Variants in SCAPER observed in about 807,000 individuals in gnomAD.
The protein encoded by SCAPER is S phase cyclin A-associated protein in the endoplasmic reticulum.
SCAPER carries 98 observed loss-of-function variants against 182.2 expected under a neutral mutation model. That is an observed-to-expected ratio of 0.54 (90% CI 0.46 to 0.64). The LOEUF (loss-of-function observed/expected upper bound fraction) is 0.64. Ranked by LOEUF, SCAPER falls within the 30% of genes least tolerant of loss-of-function variation. The pLI, the probability that SCAPER is intolerant of heterozygous loss-of-function variation, is 0.00. For synonymous variants in SCAPER, 605 were observed against 564.6 expected, an observed-to-expected ratio of 1.07 and a Z score of -1.01; for missense variants, 1,432 against 1,690.0, an observed-to-expected ratio of 0.85 and a Z score of 2.68.
At chr15:76,757,812 G>A (rs964406079) in intron 14 of SCAPER, among the ~76,000 whole-genome samples, 1 of 152,100 alleles carries the variant, frequency 6.6e-6, no homozygotes, top group Non-Finnish European at 1.5e-5. Flanking sequence ...CAAGTGTCAG[G>A]TGATATTTCA....
Position 76,654,074 on chromosome 15 carries a change from A to G in SCAPER, c.2645+11579T>C, listed in dbSNP as rs536397529. Among the ~76,000 whole-genome samples the G allele has an allele frequency of 2.6e-5, 4 of 152,334 alleles. No homozygotes were observed. In the East Asian group the frequency reaches 5.8e-4, roughly 22 times the overall value. On this transcript the variant is annotated intron_variant, in intron 21 of 31. Transcript: ENST00000563290. ...ACAGACACTTCTCAAAAGAAGATAT[A>G]TAAGTGGCCAAGAAACATGAAAAAA... is the stretch of plus-strand genomic sequence containing the variant.
intron 22 of SCAPER, among the ~76,000 whole-genome samples, chr15:76,621,346 G>A (rs943847469): frequency 1.3e-5 from 2 of 152,126 alleles, no homozygotes; most frequent in Middle Eastern, 3.4e-3. Flanking sequence ...TTCTCTTTAC[G>A]GACTGGCCCG....
At chr15:76,414,325 T>C (rs1010683515) in intron 26 of SCAPER, among the ~76,000 whole-genome samples, 13 of 152,024 alleles carry the variant, frequency 8.6e-5, no homozygotes, top group African/African-American at 2.9e-4. Context: ...GATTTCTGTT[T>C]TGGTGGAATA....
At chr15:76,566,906 TAATTTG>T (rs1332189046) in intron 23 of SCAPER, among the ~76,000 whole-genome samples, 5 of 152,082 alleles carry the variant, frequency 3.3e-5, no homozygotes, top group Admixed American at 6.6e-5. Context: ...ATAATAATTT[TAATTTG>T]AACACTGTGT....
At chr15:76,772,230 A>G (rs1483279336) in intron 9 of SCAPER, among the ~76,000 whole-genome samples, 1 of 152,052 alleles carries the variant, frequency 6.6e-6, no homozygotes, top group African/African-American at 2.4e-5. Context: ...TTCTTGTAGT[A>G]GGCCAATTTG....
intron 27 of SCAPER, among the ~76,000 whole-genome samples, chr15:76,392,894 C>G (rs141596117): frequency 7.4e-4 from 112 of 152,288 alleles, no homozygotes; most frequent in African/African-American, 2.5e-3. Context: ...CATTCTGCTC[C>G]TCTAAACCCT....
At chr15:76,881,868 T>C (rs1161487531) in intron 2 of SCAPER, among the ~76,000 whole-genome samples, 1 of 152,208 alleles carries the variant, frequency 6.6e-6, no homozygotes, top group Non-Finnish European at 1.5e-5. Flanking sequence ...GTTCAGATGG[T>C]AAATGTCATG....
intron 23 of SCAPER, among the ~76,000 whole-genome samples, chr15:76,512,540 C>T (rs568669475): frequency 1.3e-5 from 2 of 152,056 alleles, no homozygotes; most frequent in Non-Finnish European, 2.9e-5. Flanking sequence ...AGCAGCACCA[C>T]TGCTATTCCT....
rs184535051 is a variant in SCAPER at position 76,648,355 on chromosome 15, A to G, written c.2645+17298T>C. Among the ~76,000 whole-genome samples, 12 of 152,264 alleles carry G rather than the reference A, an allele frequency of 7.9e-5. No homozygotes were observed. The East Asian group carries it at 2.3e-3, about 29-fold the overall frequency. ...GATCACATAGGACACAGAACTATCTAAACTAGAGAGAAAAAAGACTGACCT... is the reference window on the plus strand; with the variant it reads ...GATCACATAGGACACAGAACTATCTGAACTAGAGAGAAAAAAGACTGACCT... On this transcript the variant is annotated intron_variant, in intron 21 of 31. Coordinates refer to ENST00000563290, the MANE Select transcript of SCAPER (RefSeq NM_020843.4).
intron 23 of SCAPER, among the ~76,000 whole-genome samples, chr15:76,535,820 G>C (rs1271608516): frequency 6.6e-6 from 1 of 152,110 alleles, no homozygotes; most frequent in Non-Finnish European, 1.5e-5. Flanking sequence ...AATCATCTCA[G>C]AAATACAGGT....
chr15:76,708,018 C>T (rs1204968142), intron 17 of SCAPER, among the ~76,000 whole-genome samples: 1 of 152,020 alleles, frequency 6.6e-6, no homozygotes. Context: ...AGAACTATTA[C>T]AAAATATAGT....
At chr15:76,698,440 C>T (rs2058764716) in intron 20 of SCAPER, among the ~76,000 whole-genome samples, 1 of 152,034 alleles carries the variant, frequency 6.6e-6, no homozygotes, top group African/African-American at 2.4e-5. Flanking sequence ...TAATCTAATG[C>T]CAAAAGTTGT....
At chr15:76,652,273 A>ATATATATAT (rs1555519291) in intron 21 of SCAPER, among the ~76,000 whole-genome samples, 3 of 12,862 alleles carry the variant, frequency 2.3e-4, no homozygotes, top group Non-Finnish European at 4.0e-4. Context: ...AAAAAAAAAA[A>ATATATATAT]ATATATATAT....
chr15:76,716,898 G>C (rs1354129550), intron 17 of SCAPER, among the ~76,000 whole-genome samples: 3 of 151,454 alleles, frequency 2.0e-5, no homozygotes, highest in African/African-American at 4.9e-5. Context: ...GACTTAGGAA[G>C]AGAGAGAGAT....
chr15:76,533,738 A>T (rs1463871503), intron 23 of SCAPER, among the ~76,000 whole-genome samples: 1 of 146,948 alleles, frequency 6.8e-6, no homozygotes, highest in Non-Finnish European at 1.5e-5. Context: ...AACAGTCTTT[A>T]ACTGGCTGTA....
intron 26 of SCAPER, among the ~76,000 whole-genome samples, chr15:76,424,993 A>T (rs950261033): frequency 6.6e-6 from 1 of 152,198 alleles, no homozygotes; most frequent in East Asian, 1.9e-4. Flanking sequence ...ATCAGCTGTT[A>T]GTCTGATGGG....
intron 14 of SCAPER, among the ~76,000 whole-genome samples, chr15:76,756,238 C>G (rs919771336): frequency 1.4e-5 from 1 of 70,464 alleles, no homozygotes; most frequent in Non-Finnish European, 2.5e-5. Context: ...AGCCAGACTC[C>G]GTCTCAAAAA....
chr15:76,446,368 TAGATA>T (rs1375263089), intron 25 of SCAPER, among the ~76,000 whole-genome samples: 1 of 152,210 alleles, frequency 6.6e-6, no homozygotes, highest in African/African-American at 2.4e-5. Flanking sequence ...TGATCATGAT[TAGATA>T]AATGAAAATC....
At chr15:76,861,623 AAATAAT>A (rs1055809585) in intron 3 of SCAPER, among the ~76,000 whole-genome samples, 1 of 152,190 alleles carries the variant, frequency 6.6e-6, no homozygotes, top group Admixed American at 6.5e-5. Flanking sequence ...TTTCTTGTTC[AAATAAT>A]AATAATGAGA....
Sources: gnomAD v4.1 joint callset for allele counts (sites outside exome capture counted in the v4.1 genomes callset) on GRCh38, gnomAD v4.1.1 for gene constraint, MANE v1.5 for transcripts, NCBI Gene and HGNC (gene_info 2026-07-23, HGNC 2026-07-21) for gene names.